Variants in FLI1 observed in about 807,000 individuals in gnomAD.
FLI1 encodes Friend leukemia integration 1 transcription factor.
In FLI1, 13 loss-of-function variants were observed where a neutral mutation model predicts 53.1. That is an observed-to-expected ratio of 0.24 (90% confidence interval 0.16 to 0.39). FLI1 has a LOEUF of 0.39. Among genes scored for constraint, FLI1 ranks in the 10% least tolerant of loss-of-function variants. The pLI is 1.00. For synonymous variants in FLI1, 244 were observed against 236.7 expected (o/e 1.03, Z -0.28); for missense variants, 424 against 600.5 (o/e 0.71, Z 3.07).
intron 1 of FLI1, among the ~76,000 whole-genome samples, chr11:128,741,483 G>C (rs569066414): frequency 6.6e-6 from 1 of 152,212 alleles, no homozygotes; most frequent in African/African-American, 2.4e-5. Context: ...CCGGATGCAG[G>C]GGCAACTTAC....
intron 5 of FLI1, among the ~76,000 whole-genome samples, chr11:128,796,929 T>C (rs1009923838): frequency 3.9e-5 from 6 of 152,222 alleles, no homozygotes; most frequent in Non-Finnish European, 8.8e-5. Flanking sequence ...GAGCCGAGAT[T>C]GCGCCATTGC....
chr11:128,751,628 G>C (rs192665969), intron 1 of FLI1, among the ~76,000 whole-genome samples: 1 of 151,484 alleles, frequency 6.6e-6, no homozygotes, highest in Non-Finnish European at 1.5e-5. Flanking sequence ...CCGGGTTCAC[G>C]CCATTCTCCC....
chr11:128,781,854 C>A, intron 4 of FLI1, 104 bp from the exon 5 acceptor site: 3 of 894,522 alleles, frequency 3.4e-6, no homozygotes, highest in Non-Finnish European at 5.7e-6. Flanking sequence ...TCCCTCTTCC[C>A]CTCTCCCCAT....
At chr11:128,779,416 C>T (rs750075000) in intron 4 of FLI1, among the ~76,000 whole-genome samples, 14 of 152,066 alleles carry the variant, frequency 9.2e-5, no homozygotes, top group Non-Finnish European at 2.1e-4. Flanking sequence ...CCAGTCGTGC[C>T]GGATTATTTC....
intron 5 of FLI1, among the ~76,000 whole-genome samples, chr11:128,787,632 T>C (rs763712558): frequency 2.0e-5 from 3 of 152,190 alleles, no homozygotes; most frequent in Non-Finnish European, 4.4e-5. Flanking sequence ...CATGTATAAA[T>C]GAGGATAATT....
upstream of FLI1, among the ~76,000 whole-genome samples, chr11:128,685,403 G>A (rs906754715): frequency 6.6e-6 from 1 of 152,218 alleles, no homozygotes; most frequent in East Asian, 1.9e-4. Flanking sequence ...GATCCTCTGG[G>A]GGCGATGCAG....
In FLI1 at chr11:128,711,720, A is replaced by T. The variant is rs151333991; in HGVS notation, c.18+17444A>T. Among the ~76,000 whole-genome samples, 5 of 152,298 alleles carry T rather than the reference A, an allele frequency of 3.3e-5. No individual in the cohort carries two copies. The East Asian group carries it at 7.7e-4, about 24-fold the overall frequency. ...CTGGCATTGTACTTGCTTATTTTTA[A>T]GGTCATTTTTAGCTCTAATGCTTTA... is the stretch of plus-strand genomic sequence containing the variant. On this transcript the variant is annotated intron_variant, in intron 1 of 8. Transcript: ENST00000527786.
upstream of FLI1, among the ~76,000 whole-genome samples, chr11:128,685,311 A>G (rs1865781614): frequency 6.6e-6 from 1 of 152,196 alleles, no homozygotes; most frequent in Admixed American, 6.5e-5. Flanking sequence ...ACCAAGAACT[A>G]ACACATCCTG....
intron 1 of FLI1, among the ~76,000 whole-genome samples, chr11:128,736,189 A>G (rs1431674270): frequency 1.3e-5 from 2 of 151,814 alleles, no homozygotes; most frequent in Non-Finnish European, 2.9e-5. Flanking sequence ...GCCCAGCATA[A>G]GAACATTATT....
At chr11:128,770,844 A>G (rs1179484114) in intron 3 of FLI1, among the ~76,000 whole-genome samples, 1 of 152,198 alleles carries the variant, frequency 6.6e-6, no homozygotes, top group Non-Finnish European at 1.5e-5. Context: ...GCTTCTGGAG[A>G]GTAAAAGAGC....
At position 128,784,265 on chromosome 11, in the gene FLI1, C is replaced by CTG. The variant is rs1565498657; in HGVS notation, c.655+2242_655+2243insTG. ...TCCTCCTCCTCCTCCTCCTCCTCCT[C>CTG]CTCCTGCTGTCTTATTGTTCAGCCG... On this transcript the variant is annotated intron_variant, in intron 5 of 8. Coordinates refer to ENST00000527786, the MANE Select transcript of FLI1 (RefSeq NM_002017.5). Among the ~76,000 whole-genome samples, 3 of 130,304 alleles carry CTG rather than the reference C, an allele frequency of 2.3e-5. 1 individual carries two copies. The highest frequency in any genetic ancestry group is 9.0e-5 in the African/African-American group (3 of 33,392). The allele number at this position is 130,304 out of a possible 152,430, so 85.5% of individuals were successfully genotyped here.
In FLI1 at chr11:128,781,998, A is replaced by G. The variant is rs35195224; in HGVS notation, c.630A>G (p.Gln210=). 176,630 of 1,612,656 alleles carry G rather than the reference A, an allele frequency of 0.11. 14,438 individuals carry two copies. Among genetic ancestry groups the G allele is most frequent in the African/African-American group, 0.43 (31,921 of 74,830 alleles). ...ATAATACAACCTCCCACACCGACCA[A>G]TCCTCACGATTGAGTGTCAAAGAAG... ...LAYNTTSHTD[Q]SSRLSVKEDP... is the part of the protein sequence containing the mutation. The change falls in exon 5 of 9, where the codon CAA becomes CAG. Residue 210 remains glutamine (Q), a synonymous_variant. Coordinates refer to ENST00000527786, the MANE Select transcript of FLI1 (RefSeq NM_002017.5).
intron 3 of FLI1, among the ~76,000 whole-genome samples, chr11:128,771,128 G>C (rs564234415): frequency 6.6e-6 from 1 of 152,336 alleles, no homozygotes; most frequent in South Asian, 2.1e-4. Flanking sequence ...GTAAAATGGG[G>C]ATATTAAAAG....
chr11:128,718,053 T>C (rs1424603666), intron 1 of FLI1, among the ~76,000 whole-genome samples: 1 of 152,178 alleles, frequency 6.6e-6, no homozygotes, highest in East Asian at 1.9e-4. Context: ...TCATAGATAA[T>C]GGCATCCCCA....
At chr11:128,779,892 A>G (rs1357815835) in intron 4 of FLI1, among the ~76,000 whole-genome samples, 3 of 152,248 alleles carry the variant, frequency 2.0e-5, no homozygotes, top group Non-Finnish European at 4.4e-5. Flanking sequence ...TGTATGCTAC[A>G]GCCTGTGGCT....
intron 1 of FLI1, among the ~76,000 whole-genome samples, chr11:128,749,092 G>T (rs1239009461): frequency 6.6e-6 from 1 of 152,144 alleles, no homozygotes; most frequent in Non-Finnish European, 1.5e-5. Context: ...CCCCCTCACT[G>T]TGTGAACCTA....
At chr11:128,786,091 C>T (rs4937376) in intron 5 of FLI1, among the ~76,000 whole-genome samples, 61,335 of 152,018 alleles carry the variant, frequency 0.4, 12,766 homozygotes, top group Middle Eastern at 0.63. Context: ...TAATTCAGAA[C>T]CTCCAAGGGT....
chr11:128,756,907 T>TCGTTG (rs1940884075), intron 1 of FLI1, among the ~76,000 whole-genome samples: 1 of 152,124 alleles, frequency 6.6e-6, no homozygotes, highest in African/African-American at 2.4e-5. Flanking sequence ...GTTGTTGTTG[T>TCGTTG]TGTTTCGAGA....
At chr11:128,778,804 G>A (rs1245232853) in intron 4 of FLI1, among the ~76,000 whole-genome samples, 1 of 152,224 alleles carries the variant, frequency 6.6e-6, no homozygotes, top group African/African-American at 2.4e-5. Flanking sequence ...CCTCAAGGCA[G>A]GAGAAAGCAG....
Sources: allele counts gnomAD v4.1 joint callset (sites outside exome capture counted in the v4.1 genomes callset), GRCh38; gene constraint gnomAD v4.1.1; transcripts MANE v1.5; gene names NCBI Gene and HGNC (gene_info 2026-07-23, HGNC 2026-07-21).